The following BEND5 variants were observed in gnomAD, a reference collection of about 807,000 sequenced individuals.
The protein encoded by BEND5 is BEN domain-containing protein 5.
In BEND5, 22 loss-of-function variants were observed where a neutral mutation model predicts 43.9. The ratio of observed to expected loss-of-function variants is 0.50; its 90% CI spans 0.36 to 0.72. BEND5 has a LOEUF of 0.72. Among genes scored for constraint, BEND5 ranks in the 30% least tolerant of loss-of-function variants. The pLI, the probability that BEND5 is intolerant of heterozygous loss-of-function variation, is 0.00. For synonymous variants in BEND5, 228 were observed against 225.9 expected, an observed-to-expected ratio of 1.01 and a Z score of -0.08; for missense variants, 428 against 550.6, an observed-to-expected ratio of 0.78 and a Z score of 2.23.
intron 5 of BEND5, among the ~76,000 whole-genome samples, chr1:48,729,002 G>C (rs1489026352): frequency 6.6e-6 from 1 of 152,164 alleles, no homozygotes; most frequent in South Asian, 2.1e-4. Flanking sequence ...TCCAGACAAG[G>C]TCTGGCTGGA....
chr1:48,742,393 T>C (rs1298867310), intron 4 of BEND5, among the ~76,000 whole-genome samples: 2 of 145,000 alleles, frequency 1.4e-5, no homozygotes, highest in Non-Finnish European at 3.0e-5. Flanking sequence ...TTGCTTTGGA[T>C]CAATATTTTT....
At position 48,748,917 on chromosome 1, in the gene BEND5, G is replaced by C. The variant is rs1379869638; in HGVS notation, c.746-6146C>G. Among the ~76,000 whole-genome samples the C allele has an allele frequency of 2.0e-5, 3 of 152,098 alleles. No homozygotes were observed. In the East Asian group the frequency reaches 5.8e-4, roughly 29 times the overall value. ...GCAGAGGCAGGAGAAAAAAATTCTA[G>C]CATGAATCCTGGATTAGGTGAGATC... is the stretch of plus-strand genomic sequence containing the variant. On this transcript the variant is annotated intron_variant, in intron 3 of 5. Transcript: ENST00000371833.
intron 3 of BEND5, among the ~76,000 whole-genome samples, chr1:48,749,937 A>G (rs1299997282): frequency 1.3e-5 from 2 of 152,196 alleles, no homozygotes; most frequent in South Asian, 2.1e-4. Context: ...TGTGGTGGGA[A>G]TAAGTGGGGT....
At chr1:48,772,148 G>A (rs1048549174) in intron 1 of BEND5, among the ~76,000 whole-genome samples, 1 of 152,212 alleles carries the variant, frequency 6.6e-6, no homozygotes, top group Non-Finnish European at 1.5e-5. Flanking sequence ...CCCTGTCCTA[G>A]AGGAGTTCCC....
At chr1:48,765,483 C>A (rs1406183020) in intron 1 of BEND5, among the ~76,000 whole-genome samples, 1 of 152,178 alleles carries the variant, frequency 6.6e-6, no homozygotes, top group Admixed American at 6.5e-5. Flanking sequence ...GTAGAATGGG[C>A]AGCCATAGTA....
intron 5 of BEND5, among the ~76,000 whole-genome samples, chr1:48,729,548 C>T (rs954091850): frequency 2.0e-5 from 3 of 152,116 alleles, no homozygotes; most frequent in Non-Finnish European, 4.4e-5. Flanking sequence ...AATATCAACA[C>T]TAGAGGGGAT....
At chr1:48,771,121 T>C (rs1369739575) in intron 1 of BEND5, among the ~76,000 whole-genome samples, 2 of 152,232 alleles carry the variant, frequency 1.3e-5, no homozygotes, top group African/African-American at 2.4e-5. Flanking sequence ...CTTCCTGCAT[T>C]TCCCTGGAGT....
intron 1 of BEND5, among the ~76,000 whole-genome samples, chr1:48,763,344 AG>A (rs538672400): frequency 2.4e-4 from 36 of 152,222 alleles, no homozygotes; most frequent in Non-Finnish European, 2.9e-4. Flanking sequence ...ATAGGGACTC[AG>A]GGTTTTCTAA....
Position 48,727,806 on chromosome 1 carries a change from G to A in BEND5, c.*80C>T, listed in dbSNP as rs541655160. 8.7e-6 allele frequency: 12 copies of A among 1,377,106 alleles called. No individual in the cohort carries two copies. In the South Asian group the frequency reaches 1.5e-4, roughly 17 times the overall value. 85.3% of individuals were successfully genotyped at this position (1,377,106 alleles called of 1,614,324 possible). A position where few individuals can be genotyped will look rare whatever the true frequency, so the allele number is the denominator to read the frequency against. ...CACACACACCACCATGCACGGTGGG[G>A]TCTGATTTGGACGGCACCATCGCTC... On this transcript the variant is annotated 3_prime_UTR_variant, in exon 6 of 6. Coordinates refer to ENST00000371833, the MANE Select transcript of BEND5 (RefSeq NM_024603.4).
At chr1:48,759,440 T>C in intron 2 of BEND5, 156 bp from the exon 3 acceptor site, 1 of 1,295,794 alleles carries the variant, frequency 7.7e-7, no homozygotes, top group Non-Finnish European at 1.0e-6. Context: ...CCCTTCATTT[T>C]ATAAATGGGG....
intron 4 of BEND5, among the ~76,000 whole-genome samples, chr1:48,737,298 A>C (rs980271231): frequency 6.6e-6 from 1 of 152,188 alleles, no homozygotes; most frequent in Non-Finnish European, 1.5e-5. Context: ...AGAAAAAAGA[A>C]AAAAAGAAAA....
At chr1:48,757,251 A>G (rs1403272925) in intron 3 of BEND5, among the ~76,000 whole-genome samples, 1 of 152,204 alleles carries the variant, frequency 6.6e-6, no homozygotes, top group Non-Finnish European at 1.5e-5. Flanking sequence ...TCACTTTAAG[A>G]TTGGGAAACA....
At chr1:48,735,355 A>C (rs1357674103) in intron 5 of BEND5, among the ~76,000 whole-genome samples, 1 of 151,916 alleles carries the variant, frequency 6.6e-6, no homozygotes, top group East Asian at 1.9e-4. Context: ...TTCAATACCC[A>C]TTAGAGGGCC....
intron 4 of BEND5, among the ~76,000 whole-genome samples, chr1:48,740,392 T>C (rs1172309586): frequency 6.6e-6 from 1 of 152,214 alleles, no homozygotes; most frequent in East Asian, 1.9e-4. Context: ...TCTGGATATG[T>C]TTCCCTACCC....
Position 48,727,871 on chromosome 1 carries a change from T to C in BEND5, c.*15A>G, listed in dbSNP as rs370421315. 8 of 1,598,282 alleles carry C rather than the reference T, an allele frequency of 5.0e-6. No individual in the cohort carries two copies. In the African/African-American group the frequency reaches 8.1e-5, roughly 16 times the overall value. ...ACACAAGGAAAACACGAAAGCTTTA[T>C]GAAAAATCCAAAGTTTATTGCAAAT... is the stretch of plus-strand genomic sequence containing the variant. On this transcript the variant is annotated 3_prime_UTR_variant, in exon 6 of 6. Transcript: ENST00000371833.
intron 2 of BEND5, chr1:48,761,131 A>G (rs994600740): frequency 3.6e-6 from 2 of 550,062 alleles, no homozygotes; most frequent in Non-Finnish European, 6.4e-6. Context: ...GCTTGGTGGC[A>G]CAGCATGAAT....
In BEND5 at chr1:48,776,882, G is replaced by T; in HGVS notation, c.-51C>A. Reference sequence around the variant, plus strand: ...TCGGGCAGCTCAGCCCGCGGGGCGGGCGCGGAGGTGGGGATCCGGCGGGGG... The same window carrying T: ...TCGGGCAGCTCAGCCCGCGGGGCGGTCGCGGAGGTGGGGATCCGGCGGGGG... On this transcript the variant is annotated 5_prime_UTR_variant, in exon 1 of 6. Coordinates refer to ENST00000371833, the MANE Select transcript of BEND5 (RefSeq NM_024603.4). 7.6e-7 allele frequency: 1 copy of T among 1,316,562 alleles called. No individual in the cohort carries two copies. Among genetic ancestry groups the T allele is most frequent in the Non-Finnish European group, 1.0e-6 (1 of 984,942 alleles). The allele number at this position is 1,316,562 out of a possible 1,614,324, so 81.6% of individuals were successfully genotyped here. A position where few individuals can be genotyped will look rare whatever the true frequency, so the allele number is the denominator to read the frequency against.
chr1:48,751,170 A>G (rs1341496589), intron 3 of BEND5, among the ~76,000 whole-genome samples: 1 of 152,192 alleles, frequency 6.6e-6, no homozygotes, highest in African/African-American at 2.4e-5. Flanking sequence ...TTTCTAAGAA[A>G]ACTCCAGGAA....
intron 1 of BEND5, 136 bp from the exon 2 acceptor site, chr1:48,761,606 G>T: frequency 1.1e-6 from 1 of 908,466 alleles, no homozygotes; most frequent in Non-Finnish European, 1.6e-6. Flanking sequence ...ACAGACTCAA[G>T]GCTGGTTCCC....
Sources: allele counts gnomAD v4.1 joint callset (sites outside exome capture counted in the v4.1 genomes callset), GRCh38; gene constraint gnomAD v4.1.1; transcripts MANE v1.5; gene names NCBI Gene and HGNC (gene_info 2026-07-23, HGNC 2026-07-21).